ZFAND5: variants seen among roughly 807,000 people sequenced by gnomAD.
The protein encoded by ZFAND5 is zinc finger AN1-type containing 5, also known as AN1-type zinc finger protein 5.
A neutral mutation model predicts 23.6 loss-of-function variants in ZFAND5; 4 were observed. That is an observed-to-expected ratio of 0.17 (90% CI 0.08 to 0.39). The LOEUF is 0.39. Among genes scored for constraint, ZFAND5 ranks in the 10% least tolerant of loss-of-function variants. The pLI is 1.00. For missense variants in ZFAND5, 161 were observed against 253.7 expected (o/e 0.63, Z 2.48); for synonymous variants, 68 against 80.6 (o/e 0.84, Z 0.84).
rs140283347 is a variant in ZFAND5, at chr9:72,363,579, T to C, written c.-119A>G. ...TCCCTCTTTGCCAAATGGAGTAGAATTGACTTTTAAAGGCTCCTTTTCAGG... is the reference window on the plus strand; with the variant it reads ...TCCCTCTTTGCCAAATGGAGTAGAACTGACTTTTAAAGGCTCCTTTTCAGG... On this transcript the variant is annotated 5_prime_UTR_variant, in exon 2 of 7. Transcript: ENST00000376962. 144 of 960,286 alleles carry C rather than the reference T, an allele frequency of 1.5e-4. No homozygotes were observed. Among genetic ancestry groups the C allele is most frequent in the African/African-American group, 1.4e-3 (82 of 56,950 alleles). 59.5% of individuals were successfully genotyped at this position (960,286 alleles called of 1,614,324 possible). A position where few individuals can be genotyped will look rare whatever the true frequency, so the allele number is the denominator to read the frequency against.
rs768950738 is a variant in ZFAND5, at chr9:72,355,770, T to C, written c.*183A>G. ...GAGGGCATATACATTTGTAGGGCTG[T>C]ATCTATCCAATTCTGCCTGTAACAA... On this transcript the variant is annotated 3_prime_UTR_variant, in exon 7 of 7. Transcript: ENST00000376962. The C allele has an allele frequency of 1.3e-5, 7 of 557,988 alleles. No individual in the cohort carries two copies. The highest frequency in any genetic ancestry group is 2.1e-5 in the Non-Finnish European group (7 of 332,870). The allele number at this position is 557,988 out of a possible 1,614,324, so 34.6% of individuals were successfully genotyped here. A position where few individuals can be genotyped will look rare whatever the true frequency, so the allele number is the denominator to read the frequency against.
Position 72,353,300 on chromosome 9 carries a change from C to T in ZFAND5, c.*2653G>A, listed in dbSNP as rs1429788662. On this transcript the variant is annotated 3_prime_UTR_variant, in exon 7 of 7. Coordinates refer to ENST00000376962, the MANE Select transcript of ZFAND5 (RefSeq NM_001102420.3). ...CTTACACACTGATTCCCTTTCTCCCCAGTCAATGGACAACCCTGACAAATC... is the reference window on the plus strand; with the variant it reads ...CTTACACACTGATTCCCTTTCTCCCTAGTCAATGGACAACCCTGACAAATC... The T allele has an allele frequency of 6.6e-6, 1 of 152,122 alleles. No individual in the cohort carries two copies. Among genetic ancestry groups the T allele is most frequent in the Non-Finnish European group, 1.5e-5 (1 of 68,044 alleles). The allele number at this position is 152,122 out of a possible 1,614,324, so 9.4% of individuals were successfully genotyped here.
intron 5 of ZFAND5, 104 bp downstream of exon 5, chr9:72,359,314 C>T: frequency 9.3e-7 from 1 of 1,080,324 alleles, no homozygotes; most frequent in Non-Finnish European, 1.3e-6. Flanking sequence ...TTTTATGGCT[C>T]TCCCTCCTCT....
Position 72,353,693 on chromosome 9 carries a change from G to A in ZFAND5, c.*2260C>T, listed in dbSNP as rs1243373657. 2.0e-5 allele frequency: 3 copies of A among 152,110 alleles called. No homozygotes were observed. The highest frequency in any genetic ancestry group is 4.4e-5 in the Non-Finnish European group (3 of 68,042). The allele number at this position is 152,110 out of a possible 1,614,324, so 9.4% of individuals were successfully genotyped here. ...TCTTGCTACTACTCAGACCTTCAGA[G>A]TGATGGAGTCCGAGGGCTCATCTTA... On this transcript the variant is annotated 3_prime_UTR_variant, in exon 7 of 7. Coordinates refer to ENST00000376962, the MANE Select transcript of ZFAND5 (RefSeq NM_001102420.3).
In ZFAND5 at chr9:72,364,881, G is replaced by C. The variant is rs1372960072; in HGVS notation, c.-332C>G. ...GGGGTCTTCCTTTGTTCCTGCAGCA[G>C]CGTCGAGCGTGGCCGGGACACGCCG... On this transcript the variant is annotated 5_prime_UTR_variant, in exon 1 of 7. Transcript: ENST00000376962. 1.3e-5 allele frequency: 2 copies of C among 153,872 alleles called. No homozygotes were observed. The highest frequency in any genetic ancestry group is 2.4e-5 in the African/African-American group (1 of 41,456). The allele number at this position is 153,872 out of a possible 1,614,324, so 9.5% of individuals were successfully genotyped here.
rs1445704138 is a variant in ZFAND5, at chr9:72,354,490, TAATAC to T, written c.*1458_*1462del. The stretch of plus-strand genomic sequence containing the variant: ...CTGTACATGGCTTTTATTATTTACA[TAATAC>T]AATATAGCATCAATGCTGAATAGCA... On this transcript the variant is annotated 3_prime_UTR_variant, in exon 7 of 7. Coordinates refer to ENST00000376962, the MANE Select transcript of ZFAND5 (RefSeq NM_001102420.3). 3 of 152,652 alleles carry T rather than the reference TAATAC, an allele frequency of 2.0e-5. No individual in the cohort carries two copies. Among genetic ancestry groups the T allele is most frequent in the Admixed American group, 6.5e-5 (1 of 15,282 alleles). The allele number at this position is 152,652 out of a possible 1,614,324, so 9.5% of individuals were successfully genotyped here. A position where few individuals can be genotyped will look rare whatever the true frequency, so the allele number is the denominator to read the frequency against.
At position 72,355,680 on chromosome 9, in the gene ZFAND5, A is replaced by G. The variant is rs1841923225; in HGVS notation, c.*273T>C. On this transcript the variant is annotated 3_prime_UTR_variant, in exon 7 of 7. Coordinates refer to ENST00000376962, the MANE Select transcript of ZFAND5 (RefSeq NM_001102420.3). Reference sequence around the variant, plus strand: ...ATTTTGTTTGGCACATGGGAACTACATTTTGTTCCTATTATCTGTGTGTTT... The same window carrying G: ...ATTTTGTTTGGCACATGGGAACTACGTTTTGTTCCTATTATCTGTGTGTTT... The G allele has an allele frequency of 7.9e-6, 2 of 254,162 alleles. No homozygotes were observed. The highest frequency in any genetic ancestry group is 5.2e-5 in the Admixed American group (1 of 19,144). 15.7% of individuals were successfully genotyped at this position (254,162 alleles called of 1,614,324 possible). A position where few individuals can be genotyped will look rare whatever the true frequency, so the allele number is the denominator to read the frequency against.
intron 1 of ZFAND5, chr9:72,364,278 C>G: frequency 1.7e-6 from 1 of 588,870 alleles, no homozygotes; most frequent in Non-Finnish European, 2.3e-6. Flanking sequence ...GACCCCCGAC[C>G]CCCGACCCCG....
chr9:72,359,537 C>T lies in ZFAND5; in HGVS notation c.264-16G>A. 1 of 1,611,316 alleles carries T rather than the reference C, an allele frequency of 6.2e-7. No individual in the cohort carries two copies. Among genetic ancestry groups the T allele is most frequent in the African/African-American group, 1.3e-5 (1 of 74,854 alleles). On this transcript the variant is annotated splice_polypyrimidine_tract_variant and intron_variant, in intron 4 of 6. Coordinates refer to ENST00000376962, the MANE Select transcript of ZFAND5 (RefSeq NM_001102420.3). ...AGGCACATTTCTATTTGAGTTCAAGCAAACAATTTTTAAAGGTGTTAAGGG... is the reference window on the plus strand; with the variant it reads ...AGGCACATTTCTATTTGAGTTCAAGTAAACAATTTTTAAAGGTGTTAAGGG...
rs1384536999 is a variant in ZFAND5 at position 72,363,623 on chromosome 9, AG to A, written c.-146-18del. ...TTTCAGGGCCTGGGAGATAGAAAACAGGAGACAACTACAAAGAATCCTTAAT... is the reference window on the plus strand; with the variant it reads ...TTTCAGGGCCTGGGAGATAGAAAACAGAGACAACTACAAAGAATCCTTAAT... On this transcript the variant is annotated intron_variant, in intron 1 of 6. Coordinates refer to ENST00000376962, the MANE Select transcript of ZFAND5 (RefSeq NM_001102420.3). 1 of 983,414 alleles carries A rather than the reference AG, an allele frequency of 1.0e-6. No homozygotes were observed. The highest frequency in any genetic ancestry group is 1.7e-5 in the African/African-American group (1 of 57,364). The allele number at this position is 983,414 out of a possible 1,614,324, so 60.9% of individuals were successfully genotyped here. A position where few individuals can be genotyped will look rare whatever the true frequency, so the allele number is the denominator to read the frequency against.
intron 2 of ZFAND5, among the ~76,000 whole-genome samples, chr9:72,361,556 C>T (rs1046864770): frequency 1.3e-5 from 2 of 152,154 alleles, no homozygotes; most frequent in Non-Finnish European, 2.9e-5. Context: ...CTTCCTCATA[C>T]CAGAAAATAA....
chr9:72,356,159 A>C, intron 6 of ZFAND5, 58 bp from the exon 7 acceptor site: 1 of 1,570,126 alleles, frequency 6.4e-7, no homozygotes, highest in East Asian at 2.2e-5. Flanking sequence ...AAGAAAAAAA[A>C]GCCTTAGTCA....
intron 4 of ZFAND5, 54 bp from the exon 5 acceptor site, chr9:72,359,575 CAATG>C (rs748931650): frequency 2.7e-6 from 4 of 1,480,498 alleles, no homozygotes; most frequent in African/African-American, 1.4e-5. Flanking sequence ...CTTCTTGAGA[CAATG>C]AATAAGTTGT....
chr9:72,354,904 C>A lies in ZFAND5; in HGVS notation c.*1049G>T, dbSNP rs1841896827. The stretch of plus-strand genomic sequence containing the variant: ...GCAATACACCCAAGAACACTAGAGT[C>A]CTACACCCAAGTACAATATGATAAA... On this transcript the variant is annotated 3_prime_UTR_variant, in exon 7 of 7. Coordinates refer to ENST00000376962, the MANE Select transcript of ZFAND5 (RefSeq NM_001102420.3). The A allele has an allele frequency of 6.6e-6, 1 of 152,514 alleles. No individual in the cohort carries two copies. Among genetic ancestry groups the A allele is most frequent in the Admixed American group, 6.5e-5 (1 of 15,272 alleles). 9.4% of individuals were successfully genotyped at this position (152,514 alleles called of 1,614,324 possible). A position where few individuals can be genotyped will look rare whatever the true frequency, so the allele number is the denominator to read the frequency against.
intron 1 of ZFAND5, chr9:72,364,344 C>G: frequency 9.0e-7 from 1 of 1,109,272 alleles, no homozygotes. Flanking sequence ...GGGGCGCGGC[C>G]GCCGCCTCGG....
Position 72,360,215 on chromosome 9 carries a change from G to C in ZFAND5, c.158C>G (p.Ala53Gly). The C allele has an allele frequency of 6.2e-7, 1 of 1,610,562 alleles. No individual in the cohort carries two copies. Among genetic ancestry groups the C allele is most frequent in the South Asian group, 1.1e-5 (1 of 90,320 alleles). ...TGAGGTAGGACTGTTGGAACCACTA[G>C]CTGTTCCTATTTAAAAAAAGGATTT... is the stretch of plus-strand genomic sequence containing the variant. The part of the protein sequence containing the change: ...NSGRMSPMGT[A>G]SGSNSPTSDS... Residue 53 changes from alanine to glycine, a missense_variant, in exon 4 of 7, where the codon GCT becomes GGT. By Grantham distance (60) the Ala-to-Gly change is moderately conservative. Transcript: ENST00000376962.
At position 72,354,803 on chromosome 9, in the gene ZFAND5, T is replaced by C. The variant is rs1488633049; in HGVS notation, c.*1150A>G. ...TTCCATTATAACACAGAAGTGATTA[T>C]TACCAGACAAGCATCAGTGAAGTAT... On this transcript the variant is annotated 3_prime_UTR_variant, in exon 7 of 7. Transcript: ENST00000376962. 1 of 152,616 alleles carries C rather than the reference T, an allele frequency of 6.6e-6. No homozygotes were observed. The highest frequency in any genetic ancestry group is 1.9e-4 in the East Asian group (1 of 5,202). The allele number at this position is 152,616 out of a possible 1,614,324, so 9.5% of individuals were successfully genotyped here. A position where few individuals can be genotyped will look rare whatever the true frequency, so the allele number is the denominator to read the frequency against.
rs1841972593 is a variant in ZFAND5 at position 72,357,335 on chromosome 9, TA to T, written c.368-280del. Among the ~76,000 whole-genome samples, 3 of 152,290 alleles carry T rather than the reference TA, an allele frequency of 2.0e-5. No individual in the cohort carries two copies. The South Asian group carries it at 6.2e-4, about 32-fold the overall frequency. On this transcript the variant is annotated intron_variant, in intron 5 of 6. Coordinates refer to ENST00000376962, the MANE Select transcript of ZFAND5 (RefSeq NM_001102420.3). Reference sequence around the variant, plus strand: ...TTAAAACACTGGTAACAGCCAGTACTAAAAACAAAATCCTAATTCTGTTTTA... The same window carrying T: ...TTAAAACACTGGTAACAGCCAGTACTAAAACAAAATCCTAATTCTGTTTTA...
chr9:72,364,498 G>A (rs746997761), intron 1 of ZFAND5, 198 bp downstream of exon 1: 69 of 1,281,560 alleles, frequency 5.4e-5, no homozygotes, highest in Non-Finnish European at 6.9e-5. Flanking sequence ...CGGGAGCCAG[G>A]TCTCGGGCCA....
Sources: gnomAD v4.1 joint callset for allele counts (sites outside exome capture counted in the v4.1 genomes callset) on GRCh38, gnomAD v4.1.1 for gene constraint, MANE v1.5 for transcripts, NCBI Gene and HGNC (gene_info 2026-07-23, HGNC 2026-07-21) for gene names.